Variants in PTPRM observed in about 807,000 individuals in gnomAD.
PTPRM encodes the protein protein tyrosine phosphatase receptor type M, also known as receptor-type tyrosine-protein phosphatase mu.
PTPRM carries 47 observed loss-of-function variants against 186.7 expected under a neutral mutation model. That is an observed-to-expected ratio of 0.25 (90% confidence interval 0.20 to 0.32). The LOEUF is 0.32. PTPRM is among the 10% of genes least tolerant of loss of function. PTPRM has a pLI of 1.00. For synonymous variants in PTPRM, 668 were observed against 674.9 expected (o/e 0.99, Z 0.16); for missense variants, 1,494 against 1,865.0 (o/e 0.80, Z 3.66).
In PTPRM at chr18:8,248,987, A is replaced by G. The variant is rs140614924; in HGVS notation, c.2554+811A>G. Among the ~76,000 whole-genome samples, 118 of 152,356 alleles carry G rather than the reference A, an allele frequency of 7.7e-4. 2 individuals carry two copies. Among genetic ancestry groups the G allele is most frequent in the Middle Eastern group, 3.4e-3 (1 of 294 alleles). On this transcript the variant is annotated intron_variant, in intron 17 of 32. Coordinates refer to ENST00000580170, the MANE Select transcript of PTPRM (RefSeq NM_001105244.2). ...ATTACCTGGCTGTGATAACCAAACAAGCATGAGCTGCTGTTGCATTTGAGA... is the reference window on the plus strand; with the variant it reads ...ATTACCTGGCTGTGATAACCAAACAGGCATGAGCTGCTGTTGCATTTGAGA...
intron 19 of PTPRM, among the ~76,000 whole-genome samples, chr18:8,276,920 T>C (rs2147692560): frequency 6.7e-6 from 1 of 149,090 alleles, no homozygotes; most frequent in Admixed American, 6.9e-5. Flanking sequence ...AAAAGGATGA[T>C]TTGTAGAGAT....
At chr18:8,199,619 T>A (rs888034942) in intron 14 of PTPRM, among the ~76,000 whole-genome samples, 5 of 152,226 alleles carry the variant, frequency 3.3e-5, no homozygotes, top group African/African-American at 9.6e-5. Context: ...CCAGGAAGAT[T>A]CATTTATTAT....
intron 2 of PTPRM, among the ~76,000 whole-genome samples, chr18:7,803,757 A>G (rs1476360154): frequency 1.3e-5 from 2 of 152,170 alleles, no homozygotes; most frequent in East Asian, 3.9e-4. Context: ...ATATTAATGT[A>G]ATTAGATTTG....
At chr18:8,147,813 G>A (rs2092920062) in intron 14 of PTPRM, among the ~76,000 whole-genome samples, 1 of 152,100 alleles carries the variant, frequency 6.6e-6, no homozygotes, top group Non-Finnish European at 1.5e-5. Flanking sequence ...ATTTCGGGTT[G>A]TGTTCCACCG....
At chr18:8,250,297 A>G (rs901537173) in intron 17 of PTPRM, among the ~76,000 whole-genome samples, 1 of 152,098 alleles carries the variant, frequency 6.6e-6, no homozygotes, top group Non-Finnish European at 1.5e-5. Context: ...GACAGAACCT[A>G]CCCTACCTCA....
intron 20 of PTPRM, among the ~76,000 whole-genome samples, chr18:8,314,174 G>A (rs1466606297): frequency 2.0e-5 from 3 of 152,238 alleles, no homozygotes; most frequent in South Asian, 2.1e-4. Flanking sequence ...CCTGGACACA[G>A]CCCACTTTGA....
intron 13 of PTPRM, among the ~76,000 whole-genome samples, chr18:8,138,672 T>A (rs886278292): frequency 6.6e-6 from 1 of 152,184 alleles, no homozygotes; most frequent in Non-Finnish European, 1.5e-5. Context: ...GGCTTTCTGC[T>A]GTTCCTCTGG....
chr18:7,671,100 GCT>G (rs1380574586), intron 1 of PTPRM, among the ~76,000 whole-genome samples: 3 of 152,162 alleles, frequency 2.0e-5, no homozygotes, highest in Non-Finnish European at 2.9e-5. Context: ...CTGAGTTTCA[GCT>G]CTCTTTCACA....
chr18:8,030,045 A>G (rs943867646), intron 7 of PTPRM, among the ~76,000 whole-genome samples: 1 of 152,200 alleles, frequency 6.6e-6, no homozygotes, highest in South Asian at 2.1e-4. Flanking sequence ...TTTAAGCAAG[A>G]GCACAGGTGC....
chr18:8,119,302 T>G (rs1018660974), intron 13 of PTPRM, among the ~76,000 whole-genome samples: 2 of 152,182 alleles, frequency 1.3e-5, no homozygotes, highest in Non-Finnish European at 2.9e-5. Context: ...TACAGACTGT[T>G]TTTCTGTTCA....
chr18:8,285,500 A>T (rs188882251), intron 19 of PTPRM, among the ~76,000 whole-genome samples: 16 of 152,286 alleles, frequency 1.1e-4, no homozygotes. Flanking sequence ...TGAGAAAGTG[A>T]TTGGCTTTCC....
At position 8,110,034 on chromosome 18, in the gene PTPRM, A is replaced by G. The variant is rs150356995; in HGVS notation, c.1857-3452A>G. 7.6e-3 allele frequency among the ~76,000 whole-genome samples: 1,159 copies of G among 152,298 alleles called. 13 individuals are homozygous for G. Among genetic ancestry groups the G allele is most frequent in the African/African-American group, 0.027 (1,118 of 41,550 alleles). On this transcript the variant is annotated intron_variant, in intron 11 of 32. Transcript: ENST00000580170. ...CTTCACATTAAATTTTAATAAGGCA[A>G]AGCATCGTTGTGACTATCGGTGTGC...
intron 14 of PTPRM, among the ~76,000 whole-genome samples, chr18:8,180,187 G>A (rs904226148): frequency 3.3e-5 from 5 of 152,222 alleles, no homozygotes; most frequent in African/African-American, 1.2e-4. Flanking sequence ...AAGGCAAGGT[G>A]TAGAGGTGTC....
chr18:7,780,889 T>G (rs186138692), intron 2 of PTPRM, among the ~76,000 whole-genome samples: 1 of 152,118 alleles, frequency 6.6e-6, no homozygotes, highest in East Asian at 1.9e-4. Flanking sequence ...TGATCCAGCG[T>G]AGGGAAGAGC....
At chr18:7,771,093 G>A (rs577457613) in intron 1 of PTPRM, among the ~76,000 whole-genome samples, 4 of 152,310 alleles carry the variant, frequency 2.6e-5, no homozygotes, top group Admixed American at 6.5e-5. Context: ...TCAGCCACAC[G>A]TGCATGCTTT....
chr18:8,099,232 C>T (rs1449267452), intron 11 of PTPRM, among the ~76,000 whole-genome samples: 2 of 151,854 alleles, frequency 1.3e-5, no homozygotes, highest in Non-Finnish European at 2.9e-5. Context: ...CTTGGAGAGC[C>T]CACCCTGGCC....
intron 15 of PTPRM, among the ~76,000 whole-genome samples, chr18:8,246,141 G>A (rs2094474886): frequency 6.6e-6 from 1 of 152,136 alleles, no homozygotes; most frequent in Non-Finnish European, 1.5e-5. Flanking sequence ...CTGTCTTGAT[G>A]TCTTTGAAAT....
At chr18:7,931,818 A>C (rs997834459) in intron 5 of PTPRM, among the ~76,000 whole-genome samples, 2 of 152,158 alleles carry the variant, frequency 1.3e-5, no homozygotes, top group African/African-American at 4.8e-5. Flanking sequence ...CAGTATTCCA[A>C]ATATTATTTG....
chr18:8,076,716 A>C (rs886769986), intron 9 of PTPRM, 152 bp downstream of exon 9: 59 of 482,940 alleles, frequency 1.2e-4, no homozygotes, highest in Non-Finnish European at 2.1e-4. Context: ...ATAGAAGAAA[A>C]TTGTAAAAAT....
Sources: allele counts gnomAD v4.1 joint callset (sites outside exome capture counted in the v4.1 genomes callset), GRCh38; gene constraint gnomAD v4.1.1; transcripts MANE v1.5; gene names NCBI Gene and HGNC (gene_info 2026-07-23, HGNC 2026-07-21).